Variants in PLCB4 observed in about 807,000 individuals in gnomAD.
PLCB4 encodes phospholipase C beta 4, also known as 1-phosphatidylinositol 4,5-bisphosphate phosphodiesterase beta-4.
Under a neutral mutation model 178.8 loss-of-function variants are expected in PLCB4, and 77 were observed. That is an observed-to-expected ratio of 0.43 (90% confidence interval 0.36 to 0.52). The LOEUF (loss-of-function observed/expected upper bound fraction) is 0.52, where lower values mean the gene tolerates loss of function less well. PLCB4 is among the 20% of genes least tolerant of loss of function. The pLI is 0.00. For missense variants in PLCB4, 1,024 were observed against 1,453.4 expected (o/e 0.70, Z 4.80); for synonymous variants, 496 against 490.8 (o/e 1.01, Z -0.14).
chr20:9,223,589 T>G lies in PLCB4; in HGVS notation c.-16+6137T>G, dbSNP rs148369967. Among the ~76,000 whole-genome samples the G allele has an allele frequency of 5.7e-3, 867 of 152,326 alleles. 9 individuals are homozygous for G. Among genetic ancestry groups the G allele is most frequent in the African/African-American group, 0.019 (787 of 41,566 alleles). ...CCAGTCTCATGTGGTCTTTTCTATG[T>G]GGTCTCTCTTCATGGGCAGCTTTAT... On this transcript the variant is annotated intron_variant, in intron 3 of 39. Transcript: ENST00000378473.
intron 3 of PLCB4, among the ~76,000 whole-genome samples, chr20:9,296,262 C>G (rs2094633353): frequency 6.6e-6 from 1 of 152,144 alleles, no homozygotes; most frequent in Non-Finnish European, 1.5e-5. Context: ...AAAAAATGCT[C>G]ATCATCCCTG....
In PLCB4 at chr20:9,280,373, G is replaced by A. The variant is rs192695976; in HGVS notation, c.-15-27427G>A. 7.4e-4 allele frequency: 549 copies of A among 738,280 alleles called. 4 individuals are homozygous for A. The African/African-American group carries it at 9.2e-3, about 12-fold the overall frequency. The allele number at this position is 738,280 out of a possible 1,614,324, so 45.7% of individuals were successfully genotyped here. On this transcript the variant is annotated intron_variant, in intron 3 of 39. Transcript: ENST00000378473. ...GCTCTTCACATTGGATTTCCAAGTT[G>A]GGAAGAGAAGGCAGGAAGACCTATC...
Position 9,307,743 on chromosome 20 carries a change from C to T in PLCB4, c.-15-57C>T, listed in dbSNP as rs888226637. 27 of 713,378 alleles carry T rather than the reference C, an allele frequency of 3.8e-5. No homozygotes were observed. In the Admixed American group the frequency reaches 6.1e-4, roughly 16 times the overall value. The allele number at this position is 713,378 out of a possible 1,614,324, so 44.2% of individuals were successfully genotyped here. On this transcript the variant is annotated intron_variant, in intron 3 of 39. Coordinates refer to ENST00000378473, the MANE Select transcript of PLCB4 (RefSeq NM_001377142.1). ...AACACAGAAATGCGAAGTGATTAAC[C>T]ATCCTCAATTGTTTTTTCATTTTAT...
intron 2 of PLCB4, among the ~76,000 whole-genome samples, chr20:9,143,447 CAGTAAATGTTGAAT>C (rs1489140940): frequency 1.3e-5 from 2 of 152,068 alleles, no homozygotes; most frequent in African/African-American, 4.8e-5. Flanking sequence ...AGTCAGTGCT[CAGTAAATGTTGAAT>C]AAGCAAATAG....
At chr20:9,109,508 T>C (rs2091498377) in intron 2 of PLCB4, among the ~76,000 whole-genome samples, 1 of 152,010 alleles carries the variant, frequency 6.6e-6, no homozygotes, top group Non-Finnish European at 1.5e-5. Context: ...GATAGCTTCT[T>C]GATTTAATAA....
chr20:9,375,697 G>A (rs184599188), intron 12 of PLCB4, among the ~76,000 whole-genome samples: 3 of 152,230 alleles, frequency 2.0e-5, no homozygotes, highest in African/African-American at 4.8e-5. Context: ...CAAGTCCCAT[G>A]AACACTGGAA....
chr20:9,449,369 CAA>C (rs2042609882), intron 32 of PLCB4, among the ~76,000 whole-genome samples: 1 of 151,964 alleles, frequency 6.6e-6, no homozygotes, highest in Non-Finnish European at 1.5e-5. Flanking sequence ...CTATGGGGTC[CAA>C]GCAGGAAGTA....
At chr20:9,476,816 G>T in intron 39 of PLCB4, 63 bp downstream of exon 39, 1 of 1,099,030 alleles carries the variant, frequency 9.1e-7, no homozygotes, top group Non-Finnish European at 1.4e-6. Flanking sequence ...CGTATTCTCT[G>T]TGCAGTCTCC....
rs1568800937 is a variant in PLCB4, at chr20:9,127,678, CT to C, written c.-79+31337del. On this transcript the variant is annotated intron_variant, in intron 2 of 39. Transcript: ENST00000378473. ...TCTATCTATCTATCTATCTATCTAT[CT>C]ATCTATCCATCCATCCATCTATCTA... is the stretch of plus-strand genomic sequence containing the variant. 8.1e-5 allele frequency among the ~76,000 whole-genome samples: 12 copies of C among 147,404 alleles called. No homozygotes were observed. The East Asian group carries it at 1.4e-3, about 17-fold the overall frequency.
chr20:9,112,306 A>G (rs2091609699), intron 2 of PLCB4, among the ~76,000 whole-genome samples: 1 of 146,496 alleles, frequency 6.8e-6, no homozygotes. Flanking sequence ...CCCAGGCCGC[A>G]GTACAGTGGA....
chr20:9,384,475 C>T, intron 14 of PLCB4, 64 bp downstream of exon 14: 1 of 1,140,856 alleles, frequency 8.8e-7, no homozygotes, highest in Non-Finnish European at 1.3e-6. Context: ...ATTTACTTTT[C>T]TCTGAAAAAC....
At chr20:9,075,515 C>CG (rs1194450818) in intron 1 of PLCB4, among the ~76,000 whole-genome samples, 3 of 152,148 alleles carry the variant, frequency 2.0e-5, no homozygotes, top group African/African-American at 7.2e-5. Flanking sequence ...TCTGGAAGGC[C>CG]GGTTTTTACC....
chr20:9,438,549 T>C (rs2041922179), intron 30 of PLCB4, among the ~76,000 whole-genome samples: 1 of 152,100 alleles, frequency 6.6e-6, no homozygotes, highest in African/African-American at 2.4e-5. Context: ...ATTTTGGTTC[T>C]GTATATCACT....
At chr20:9,079,083 C>A (rs1203575405) in intron 1 of PLCB4, among the ~76,000 whole-genome samples, 1 of 152,160 alleles carries the variant, frequency 6.6e-6, no homozygotes, top group Non-Finnish European at 1.5e-5. Context: ...TGAAACCTTG[C>A]ATATTCAAGA....
chr20:9,353,656 G>C (rs1231447077), intron 7 of PLCB4, among the ~76,000 whole-genome samples: 1 of 152,126 alleles, frequency 6.6e-6, no homozygotes, highest in African/African-American at 2.4e-5. Flanking sequence ...CTCCACCTCT[G>C]CCACTGGGGT....
At chr20:9,228,161 T>G (rs916398939) in intron 3 of PLCB4, among the ~76,000 whole-genome samples, 2 of 152,244 alleles carry the variant, frequency 1.3e-5, no homozygotes, top group African/African-American at 4.8e-5. Flanking sequence ...TCATTTGCAG[T>G]GATAACTAGA....
chr20:9,340,301 A>G (rs753538214), intron 7 of PLCB4, among the ~76,000 whole-genome samples: 1 of 152,108 alleles, frequency 6.6e-6, no homozygotes, highest in African/African-American at 2.4e-5. Context: ...ACCCTCACTC[A>G]CAAAGTATGG....
At chr20:9,377,388 G>A (rs891476223) in intron 12 of PLCB4, among the ~76,000 whole-genome samples, 1 of 152,120 alleles carries the variant, frequency 6.6e-6, no homozygotes, top group Admixed American at 6.5e-5. Context: ...GAACTCTACT[G>A]CAGCCTTATT....
chr20:9,118,038 A>G (rs2091838749), intron 2 of PLCB4, among the ~76,000 whole-genome samples: 1 of 152,082 alleles, frequency 6.6e-6, no homozygotes, highest in Non-Finnish European at 1.5e-5. Flanking sequence ...AGCTTTGTCT[A>G]AAGTGTTGAC....
Sources: allele counts gnomAD v4.1 joint callset (sites outside exome capture counted in the v4.1 genomes callset), GRCh38; gene constraint gnomAD v4.1.1; transcripts MANE v1.5; gene names NCBI Gene and HGNC (gene_info 2026-07-23, HGNC 2026-07-21).